The following TTC7B variants were observed in gnomAD, a reference collection of about 807,000 sequenced individuals.
The protein encoded by TTC7B is tetratricopeptide repeat protein 7B.
A neutral mutation model predicts 106.8 loss-of-function variants in TTC7B; 28 were observed. That is an observed-to-expected ratio of 0.26 (90% CI 0.19 to 0.36). The LOEUF (loss-of-function observed/expected upper bound fraction) is 0.36, where lower values mean the gene tolerates loss of function less well. Among genes scored for constraint, TTC7B ranks in the 10% least tolerant of loss-of-function variants. The probability of loss-of-function intolerance (pLI) is 1.00; values close to 1 mark genes in which losing one functional copy is unlikely to be tolerated. For synonymous variants in TTC7B, 405 were observed against 430.6 expected (o/e 0.94, Z 0.74); for missense variants, 862 against 1,076.4 (o/e 0.80, Z 2.79).
intron 2 of TTC7B, among the ~76,000 whole-genome samples, chr14:90,784,006 A>G (rs1036553934): frequency 6.6e-6 from 1 of 151,940 alleles, no homozygotes; most frequent in African/African-American, 2.4e-5. Context: ...AGCAAAACCT[A>G]TCAGCACCTG....
At chr14:90,581,415 C>A (rs962981418) in intron 18 of TTC7B, among the ~76,000 whole-genome samples, 1 of 152,244 alleles carries the variant, frequency 6.6e-6, no homozygotes, top group Non-Finnish European at 1.5e-5. Context: ...CTCCTAATGA[C>A]ACCATCGGGC....
intron 1 of TTC7B, among the ~76,000 whole-genome samples, chr14:90,799,045 G>C (rs1488679448): frequency 6.6e-6 from 1 of 152,078 alleles, no homozygotes; most frequent in Non-Finnish European, 1.5e-5. Context: ...TCATCTCAGA[G>C]CCAAGGAAGG....
rs1049176366 is a variant in TTC7B at position 90,570,109 on chromosome 14, T to C, written c.2310+7997A>G. 2 of 152,194 alleles carry C rather than the reference T, an allele frequency of 1.3e-5. No homozygotes were observed. Among genetic ancestry groups the C allele is most frequent in the Admixed American group, 6.5e-5 (1 of 15,280 alleles). The allele number at this position is 152,194 out of a possible 1,614,324, so 9.4% of individuals were successfully genotyped here. Reference sequence around the variant, plus strand: ...TCAGGCCCGGAGTCAACACTGCAGATCAGCCTGGGGACCCGGCTGTACCCA... The same window carrying C: ...TCAGGCCCGGAGTCAACACTGCAGACCAGCCTGGGGACCCGGCTGTACCCA... On this transcript the variant is annotated intron_variant, in intron 19 of 19. Transcript: ENST00000328459. The surrounding 1 kb of genome is among the most constrained non-coding windows in gnomAD (Gnocchi z 4.0).
chr14:90,782,695 T>C (rs1390031826), intron 2 of TTC7B, among the ~76,000 whole-genome samples: 3 of 152,196 alleles, frequency 2.0e-5, no homozygotes, highest in Non-Finnish European at 4.4e-5. Flanking sequence ...CTGGGAAGTC[T>C]ACCCTCCTTC....
At chr14:90,632,526 G>T (rs1227226655) in intron 15 of TTC7B, among the ~76,000 whole-genome samples, 1 of 152,100 alleles carries the variant, frequency 6.6e-6, no homozygotes, top group Non-Finnish European at 1.5e-5. Context: ...TTGATTCCAG[G>T]TTAACAGGGG....
Position 90,744,801 on chromosome 14 carries a change from C to T in TTC7B, c.567G>A (p.Glu189=). The part of the protein sequence containing the change: ...AGDIALLYLQ[E]IERVILSNIQ... Reference sequence around the variant, plus strand: ...CGTGGTCCTCACTTACCCTTTCTATCTCTTGGAGATACAGGAGTGCGATGT... The same window carrying T: ...CGTGGTCCTCACTTACCCTTTCTATTTCTTGGAGATACAGGAGTGCGATGT... Residue 189 remains glutamate (E), a synonymous_variant, in exon 4 of 20, where the codon GAG becomes GAA. Transcript: ENST00000328459. The T allele has an allele frequency of 6.2e-7, 1 of 1,613,692 alleles. No homozygotes were observed. The highest frequency in any genetic ancestry group is 1.1e-5 in the South Asian group (1 of 90,896).
rs976446535 is a variant in TTC7B, at chr14:90,575,550, C to T, written c.2310+2556G>A. ...AGAGCCTGTGGGGTCCATGGGCTGCCCCTCCACAGGCACCAGAGGGTCCTG... is the reference window on the plus strand; with the variant it reads ...AGAGCCTGTGGGGTCCATGGGCTGCTCCTCCACAGGCACCAGAGGGTCCTG... On this transcript the variant is annotated intron_variant, in intron 19 of 19. Coordinates refer to ENST00000328459, the MANE Select transcript of TTC7B (RefSeq NM_001010854.2). This position sits in a 1 kb window ranked among gnomAD's most constrained non-coding sequence, Gnocchi z 5.2. Among the ~76,000 whole-genome samples the T allele has an allele frequency of 6.6e-6, 1 of 152,178 alleles. No homozygotes were observed. Among genetic ancestry groups the T allele is most frequent in the Non-Finnish European group, 1.5e-5 (1 of 68,024 alleles).
rs565071700 is a variant in TTC7B, at chr14:90,608,274, C to T, written c.1966+2468G>A. Among the ~76,000 whole-genome samples the T allele has an allele frequency of 3.3e-5, 5 of 152,312 alleles. No individual in the cohort carries two copies. The highest frequency in any genetic ancestry group is 7.2e-5 in the African/African-American group (3 of 41,562). Reference sequence around the variant, plus strand: ...CTGTCATTTCAGAATATTTTACCCTCGTTTACAAATATGATAAGGCCTCCT... The same window carrying T: ...CTGTCATTTCAGAATATTTTACCCTTGTTTACAAATATGATAAGGCCTCCT... On this transcript the variant is annotated intron_variant, in intron 17 of 19. Transcript: ENST00000328459. The surrounding 1 kb of genome is among the most constrained non-coding windows in gnomAD (Gnocchi z 5.1).
At chr14:90,635,017 T>A (rs1884871352) in intron 15 of TTC7B, among the ~76,000 whole-genome samples, 1 of 152,146 alleles carries the variant, frequency 6.6e-6, no homozygotes, top group Non-Finnish European at 1.5e-5. Flanking sequence ...AAACAAATAG[T>A]TGACTTCTTA....
intron 19 of TTC7B, among the ~76,000 whole-genome samples, chr14:90,561,501 C>T (rs1342924344): frequency 3.3e-5 from 5 of 152,200 alleles, no homozygotes; most frequent in African/African-American, 9.7e-5. Flanking sequence ...AACCAAGGTG[C>T]GGCATTTGTT....
chr14:90,565,635 C>T (rs1396967152), intron 19 of TTC7B, among the ~76,000 whole-genome samples: 4 of 151,930 alleles, frequency 2.6e-5, no homozygotes, highest in East Asian at 1.9e-4. Context: ...CTCCTGACCC[C>T]GTGATCTGCC....
At chr14:90,582,263 T>C (rs1595177366) in intron 18 of TTC7B, among the ~76,000 whole-genome samples, 1 of 152,348 alleles carries the variant, frequency 6.6e-6, no homozygotes, top group East Asian at 1.9e-4. Context: ...GGGTTTCCAA[T>C]TTGCAAGCCA....
At chr14:90,582,797 T>C (rs1245646904) in intron 18 of TTC7B, among the ~76,000 whole-genome samples, 1 of 152,196 alleles carries the variant, frequency 6.6e-6, no homozygotes, top group Non-Finnish European at 1.5e-5. Flanking sequence ...CCATTCCCTC[T>C]CTAAGAGGAA....
chr14:90,744,904 A>G lies in TTC7B; in HGVS notation c.464T>C (p.Leu155Pro), dbSNP rs1228881814. Residue 155 changes from leucine (L) to proline (P), a missense_variant, in exon 4 of 20, where the codon CTG (leucine) becomes CCG (proline). Coordinates refer to ENST00000328459, the MANE Select transcript of TTC7B (RefSeq NM_001010854.2). ...YATKGLCLEK[L>P]PISSSTSNLH... ...ATTACTGGTAGAAGAAGAAATAGGC[A>G]GCTTCTCCAAACAAAGTCCTTAAAA... The G allele has an allele frequency of 6.2e-7, 1 of 1,613,590 alleles. No individual in the cohort carries two copies. Among genetic ancestry groups the G allele is most frequent in the African/African-American group, 1.3e-5 (1 of 74,896 alleles).
rs180870986 is a variant in TTC7B at position 90,624,629 on chromosome 14, C to T, written c.1752-6584G>A. On this transcript the variant is annotated intron_variant, in intron 15 of 19. Transcript: ENST00000328459. This position sits in a 1 kb window ranked among gnomAD's most constrained non-coding sequence, Gnocchi z 4.0. ...AATTCTGAGCCGTCCGAAGAACTCT[C>T]GATGAAAATAAGTTAGAGAAGTTCA... is the stretch of plus-strand genomic sequence containing the variant. Among the ~76,000 whole-genome samples, 1 of 152,116 alleles carries T rather than the reference C, an allele frequency of 6.6e-6. No individual in the cohort carries two copies. Among genetic ancestry groups the T allele is most frequent in the Non-Finnish European group, 1.5e-5 (1 of 68,016 alleles).
At chr14:90,644,234 G>T in intron 14 of TTC7B, 26 bp from the exon 15 acceptor site, 1 of 1,472,266 alleles carries the variant, frequency 6.8e-7, no homozygotes, top group East Asian at 2.5e-5. Context: ...ACCAAAAAAG[G>T]TTTTACATAC....
chr14:90,693,502 T>C (rs1385670709), intron 6 of TTC7B, among the ~76,000 whole-genome samples: 1 of 152,148 alleles, frequency 6.6e-6, no homozygotes, highest in Non-Finnish European at 1.5e-5. Context: ...ATCATAAGCA[T>C]ACACCAACCC....
chr14:90,762,714 G>A (rs1284456412), intron 3 of TTC7B, among the ~76,000 whole-genome samples: 2 of 152,152 alleles, frequency 1.3e-5, no homozygotes, highest in Non-Finnish European at 2.9e-5. Context: ...ACAGAATAGA[G>A]ACTACTCCTC....
At chr14:90,701,604 T>C (rs1347624571) in intron 5 of TTC7B, among the ~76,000 whole-genome samples, 1 of 151,816 alleles carries the variant, frequency 6.6e-6, no homozygotes, top group African/African-American at 2.4e-5. Context: ...AAACAGGAAG[T>C]GTAGAAAGCC....
Sources: gnomAD v4.1 joint callset for allele counts (sites outside exome capture counted in the v4.1 genomes callset) on GRCh38, gnomAD v4.1.1 for gene constraint, Gnocchi (gnomAD v3.1) non-coding constraint, MANE v1.5 for transcripts, NCBI Gene and HGNC (gene_info 2026-07-23, HGNC 2026-07-21) for gene names.